FGF7: variants seen among roughly 807,000 people sequenced by gnomAD.
The protein encoded by FGF7 is fibroblast growth factor 7, also known as FGF-7.
Under a neutral mutation model 20.5 loss-of-function variants are expected in FGF7, and 6 were observed. The observed-to-expected ratio is 0.29, with a 90% CI of 0.16 to 0.58. The LOEUF (loss-of-function observed/expected upper bound fraction) is 0.58. Ranked by LOEUF, FGF7 falls within the 20% of genes least tolerant of loss-of-function variation. FGF7 has a pLI of 0.90. For missense variants in FGF7, 144 were observed against 228.8 expected (o/e 0.63, Z 2.39); for synonymous variants, 64 against 74.7 (o/e 0.86, Z 0.74).
chr15:49,429,386 A>G (rs1204825475), intron 2 of FGF7, among the ~76,000 whole-genome samples: 1 of 151,944 alleles, frequency 6.6e-6, no homozygotes, highest in Admixed American at 6.6e-5. Flanking sequence ...CTTTTTGGCT[A>G]TCACATGTGC....
At chr15:49,433,036 C>T (rs1273783438) in intron 2 of FGF7, among the ~76,000 whole-genome samples, 1 of 151,420 alleles carries the variant, frequency 6.6e-6, no homozygotes, top group Non-Finnish European at 1.5e-5. Context: ...AAATTTGTTG[C>T]TATTTCAATT....
chr15:49,481,503 A>C (rs562340478), intron 2 of FGF7, among the ~76,000 whole-genome samples: 59 of 152,328 alleles, frequency 3.9e-4, no homozygotes, highest in African/African-American at 1.4e-3. Context: ...CTCTCAGTGA[A>C]GATGTGTTGA....
At chr15:49,460,648 C>T (rs1309669875) in intron 2 of FGF7, among the ~76,000 whole-genome samples, 2 of 152,142 alleles carry the variant, frequency 1.3e-5, no homozygotes, top group African/African-American at 2.4e-5. Flanking sequence ...AACCCACACA[C>T]ATTGTATTCA....
chr15:49,456,123 A>C (rs113643769), intron 2 of FGF7, among the ~76,000 whole-genome samples: 3,584 of 152,232 alleles, frequency 0.024, 94 homozygotes, highest in South Asian at 0.13. Flanking sequence ...TCTGTATTAT[A>C]ATTTTGTTAA....
rs911558916 is a variant in FGF7 at position 49,424,210 on chromosome 15, A to G, written c.-88A>G. ...TTAAATCAATCTACAATTCACAGAT[A>G]GGAAGAGGTCAATGACCTAGGAGTA... On this transcript the variant is annotated 5_prime_UTR_variant, in exon 2 of 4. The change creates a new upstream start codon in the 5' untranslated region. Coordinates refer to ENST00000267843, the MANE Select transcript of FGF7 (RefSeq NM_002009.4). 8.6e-7 allele frequency: 1 copy of G among 1,163,048 alleles called. No homozygotes were observed. The highest frequency in any genetic ancestry group is 2.0e-4 in the Middle Eastern group (1 of 4,910). 72.0% of individuals were successfully genotyped at this position (1,163,048 alleles called of 1,614,324 possible). A position where few individuals can be genotyped will look rare whatever the true frequency, so the allele number is the denominator to read the frequency against.
At chr15:49,428,044 A>G in intron 2 of FGF7, among the ~76,000 whole-genome samples, 1 of 151,988 alleles carries the variant, frequency 6.6e-6, no homozygotes, top group East Asian at 1.9e-4. Flanking sequence ...GCATCAAGGA[A>G]CCCAACGGAA....
intron 2 of FGF7, among the ~76,000 whole-genome samples, chr15:49,440,483 A>G (rs529891753): frequency 3.4e-4 from 51 of 151,886 alleles, no homozygotes; most frequent in African/African-American, 1.2e-3. Flanking sequence ...TTGAAACTGA[A>G]ATTGAAACTA....
chr15:49,469,320 T>C (rs1017560453), intron 2 of FGF7, among the ~76,000 whole-genome samples: 2 of 152,172 alleles, frequency 1.3e-5, no homozygotes, highest in Non-Finnish European at 2.9e-5. Context: ...AAACTGCTGT[T>C]TATTCCAGGG....
At chr15:49,445,338 T>C (rs966676023) in intron 2 of FGF7, among the ~76,000 whole-genome samples, 3 of 151,680 alleles carry the variant, frequency 2.0e-5, no homozygotes, top group Admixed American at 2.0e-4. Context: ...GTATTCAATG[T>C]TTAGCTCTTA....
chr15:49,452,262 A>G (rs1354365927), intron 2 of FGF7, among the ~76,000 whole-genome samples: 1 of 152,132 alleles, frequency 6.6e-6, no homozygotes, highest in Non-Finnish European at 1.5e-5. Context: ...TGTGTTGGCC[A>G]GGATGGTCTC....
chr15:49,459,017 A>C (rs1210415787), intron 2 of FGF7, among the ~76,000 whole-genome samples: 4 of 152,194 alleles, frequency 2.6e-5, no homozygotes, highest in Non-Finnish European at 5.9e-5. Flanking sequence ...CTATTAAAAA[A>C]CACACAAAAT....
chr15:49,426,239 T>C (rs1033301890), intron 2 of FGF7, among the ~76,000 whole-genome samples: 2 of 151,858 alleles, frequency 1.3e-5, no homozygotes, highest in African/African-American at 2.4e-5. Flanking sequence ...CCAGTTCTTA[T>C]AGTCTATTCT....
Position 49,486,647 on chromosome 15 carries a change from T to C in FGF7, c.*2143T>C, listed in dbSNP as rs1315300397. On this transcript the variant is annotated 3_prime_UTR_variant, in exon 4 of 4. Transcript: ENST00000267843. ...AAATACAAGCTATGTTAGGACCAAA[T>C]GCTCTTTGTCTATGGAGTTATACTT... The C allele has an allele frequency of 3.3e-5, 5 of 151,996 alleles. No homozygotes were observed. Among genetic ancestry groups the C allele is most frequent in the Admixed American group, 2.6e-4 (4 of 15,216 alleles). The allele number at this position is 151,996 out of a possible 1,614,324, so 9.4% of individuals were successfully genotyped here.
At chr15:49,474,028 C>T (rs1448316864) in intron 2 of FGF7, among the ~76,000 whole-genome samples, 3 of 151,896 alleles carry the variant, frequency 2.0e-5, no homozygotes, top group African/African-American at 4.8e-5. Flanking sequence ...ATATACTAAC[C>T]TAAAACAAAA....
At chr15:49,449,859 G>C (rs954546991) in intron 2 of FGF7, among the ~76,000 whole-genome samples, 1 of 151,952 alleles carries the variant, frequency 6.6e-6, no homozygotes, top group Non-Finnish European at 1.5e-5. Context: ...CTTAACTTTA[G>C]AGATACTGTC....
chr15:49,426,937 G>A (rs1381985010), intron 2 of FGF7, among the ~76,000 whole-genome samples: 1 of 151,934 alleles, frequency 6.6e-6, no homozygotes, highest in Non-Finnish European at 1.5e-5. Context: ...CTGTCGTAAG[G>A]TTATGTGGCT....
chr15:49,424,195 C>A lies in FGF7; in HGVS notation c.-103C>A. The A allele has an allele frequency of 9.5e-7, 1 of 1,048,650 alleles. No individual in the cohort carries two copies. Among genetic ancestry groups the A allele is most frequent in the Non-Finnish European group, 1.4e-6 (1 of 712,778 alleles). The allele number at this position is 1,048,650 out of a possible 1,614,324, so 65.0% of individuals were successfully genotyped here. ...AGCAACTACTCTTTCTTAAATCAAT[C>A]TACAATTCACAGATAGGAAGAGGTC... On this transcript the variant is annotated 5_prime_UTR_variant, in exon 2 of 4. Transcript: ENST00000267843.
At chr15:49,457,589 A>C (rs983482428) in intron 2 of FGF7, among the ~76,000 whole-genome samples, 1 of 152,012 alleles carries the variant, frequency 6.6e-6, no homozygotes, top group African/African-American at 2.4e-5. Flanking sequence ...ATTTCTCAAG[A>C]GGAAAGAAAA....
intron 2 of FGF7, among the ~76,000 whole-genome samples, chr15:49,471,269 T>TG (rs11427199): frequency 0.9 from 136,390 of 151,776 alleles, 62,331 homozygotes; most frequent in Non-Finnish European, 0.98. Flanking sequence ...GTGGATCACC[T>TG]AGGTCAGGAG....
Sources: allele counts gnomAD v4.1 joint callset (sites outside exome capture counted in the v4.1 genomes callset), GRCh38; gene constraint gnomAD v4.1.1; transcripts MANE v1.5; gene names NCBI Gene and HGNC (gene_info 2026-07-23, HGNC 2026-07-21).